The following ASPG variants were observed in gnomAD, a reference collection of about 807,000 sequenced individuals.
ASPG encodes 60 kDa lysophospholipase.
ASPG carries 53 observed loss-of-function variants against 63.2 expected under a neutral mutation model. That is an observed-to-expected ratio of 0.84 (90% CI 0.67 to 1.05). ASPG has a LOEUF of 1.05. Among genes scored for constraint, ASPG ranks in the 50% least tolerant of loss-of-function variants. ASPG has a pLI of 0.00. For missense variants in ASPG, 741 were observed against 794.4 expected, an observed-to-expected ratio of 0.93 and a Z score of 0.81; for synonymous variants, 370 against 355.0, an observed-to-expected ratio of 1.04 and a Z score of -0.48.
At chr14:104,089,544 C>T (rs771914338) in intron 1 of ASPG, among the ~76,000 whole-genome samples, 1 of 151,978 alleles carries the variant, frequency 6.6e-6, no homozygotes, top group Non-Finnish European at 1.5e-5. Flanking sequence ...ACTGATGCCA[C>T]TACATACCTG....
chr14:104,111,406 T>C, intron 13 of ASPG, 96 bp from the exon 14 acceptor site: 2 of 1,195,240 alleles, frequency 1.7e-6, no homozygotes, highest in Non-Finnish European at 2.4e-6. Flanking sequence ...GGGCTGGCTT[T>C]GTAAGAGCGT....
chr14:104,099,399 G>A (rs1403302503), intron 6 of ASPG, among the ~76,000 whole-genome samples: 2 of 152,130 alleles, frequency 1.3e-5, no homozygotes, highest in Non-Finnish European at 2.9e-5. Flanking sequence ...AGCCATCCTT[G>A]TGGGGCTGAC....
chr14:104,100,246 G>C (rs1264863599), intron 6 of ASPG, among the ~76,000 whole-genome samples: 1 of 152,200 alleles, frequency 6.6e-6, no homozygotes, highest in African/African-American at 2.4e-5. Flanking sequence ...GGTCTGGCAG[G>C]GCAGGGGCCT....
At chr14:104,097,475 G>C (rs1050017782) in intron 4 of ASPG, 79 bp from the exon 5 acceptor site, 1 of 1,407,602 alleles carries the variant, frequency 7.1e-7, no homozygotes, top group African/African-American at 1.4e-5. Context: ...GGGCCTGGGG[G>C]TTTACCTGGA....
At chr14:104,096,925 C>T (rs1014749585) in intron 4 of ASPG, among the ~76,000 whole-genome samples, 3 of 152,232 alleles carry the variant, frequency 2.0e-5, no homozygotes, top group African/African-American at 7.2e-5. Context: ...CCGCCACCTG[C>T]GCCCTCCTGG....
Position 104,085,738 on chromosome 14 carries a change from A to ACC in ASPG, c.-29_-28dup. 6.5e-7 allele frequency: 1 copy of ACC among 1,530,832 alleles called. No individual in the cohort carries two copies. The highest frequency in any genetic ancestry group is 8.7e-7 in the Non-Finnish European group (1 of 1,149,028). The allele number at this position is 1,530,832 out of a possible 1,614,324, so 94.8% of individuals were successfully genotyped here. On this transcript the variant is annotated 5_prime_UTR_variant, in exon 1 of 16. Transcript: ENST00000551177. ...CGCAGGCCCTGCGTCCCCGCTGCACACCCCCGTCCACTCCCGTGGTCCCCG... is the reference window on the plus strand; with the variant it reads ...CGCAGGCCCTGCGTCCCCGCTGCACACCCCCCCGTCCACTCCCGTGGTCCCCG...
At position 104,104,687 on chromosome 14, in the gene ASPG, A is replaced by G. The variant is rs758897293; in HGVS notation, c.1002A>G (p.Leu334=). The part of the protein sequence containing the change: ...DMTSEAALAK[L]SYVLGQPGLS... ...CATCGGAGGCCGCCCTGGCCAAGCT[A>G]TCGTATGTGCTGGGCCAGCCAGGGC... Residue 334 remains leucine, a synonymous_variant, in exon 9 of 16, where the codon CTA becomes CTG. Coordinates refer to ENST00000551177, the MANE Select transcript of ASPG (RefSeq NM_001080464.3). 4.3e-6 allele frequency: 7 copies of G among 1,610,854 alleles called. No homozygotes were observed. In the Middle Eastern group the frequency reaches 5.0e-4, roughly 114 times the overall value.
chr14:104,098,413 A>G (rs1395030967), intron 5 of ASPG, among the ~76,000 whole-genome samples: 1 of 152,138 alleles, frequency 6.6e-6, no homozygotes, highest in Admixed American at 6.5e-5. Context: ...CAGCTTGACT[A>G]GAGCCCCCAC....
At chr14:104,088,408 G>A (rs1282890584) in intron 1 of ASPG, among the ~76,000 whole-genome samples, 2 of 152,134 alleles carry the variant, frequency 1.3e-5, no homozygotes, top group East Asian at 1.9e-4. Context: ...GGGGCATAGC[G>A]AATCCAAACA....
rs1271448449 is a variant in ASPG, at chr14:104,113,637, C to G, written c.*1093C>G. 7 of 152,312 alleles carry G rather than the reference C, an allele frequency of 4.6e-5. No individual in the cohort carries two copies. The highest frequency in any genetic ancestry group is 4.6e-4 in the Admixed American group (7 of 15,292). 9.4% of individuals were successfully genotyped at this position (152,312 alleles called of 1,614,324 possible). A position where few individuals can be genotyped will look rare whatever the true frequency, so the allele number is the denominator to read the frequency against. ...TGTTTGGCTGGCCTCTGGACTGGAG[C>G]CCCAGGAGGGCAAAAGCATGACCCC... On this transcript the variant is annotated 3_prime_UTR_variant, in exon 16 of 16. Coordinates refer to ENST00000551177, the MANE Select transcript of ASPG (RefSeq NM_001080464.3).
chr14:104,112,361 G>T, intron 15 of ASPG, 163 bp from the exon 16 acceptor site: 1 of 661,558 alleles, frequency 1.5e-6, no homozygotes. Context: ...GTTCCCAGCT[G>T]ACACCCCCAT....
intron 3 of ASPG, 94 bp from the exon 4 acceptor site, chr14:104,095,437 C>A: frequency 1.3e-6 from 2 of 1,562,562 alleles, no homozygotes; most frequent in Non-Finnish European, 8.7e-7. Context: ...CCTGAGTCCT[C>A]CTCTCTGCAT....
intron 11 of ASPG, 23 bp from the exon 12 acceptor site, chr14:104,107,159 C>T (rs375396064): frequency 1.8e-5 from 27 of 1,535,318 alleles, no homozygotes; most frequent in African/African-American, 1.6e-4. Context: ...CCTCAGGGGT[C>T]GCATGTCCTT....
chr14:104,086,877 G>C (rs118062797), intron 1 of ASPG, among the ~76,000 whole-genome samples: 1 of 152,018 alleles, frequency 6.6e-6, no homozygotes, highest in Non-Finnish European at 1.5e-5. Context: ...GACCCTCTCC[G>C]GCTCTGCCAG....
In ASPG at chr14:104,112,603, G is replaced by T. The variant is rs1168515725; in HGVS notation, c.*59G>T. On this transcript the variant is annotated 3_prime_UTR_variant, in exon 16 of 16. Coordinates refer to ENST00000551177, the MANE Select transcript of ASPG (RefSeq NM_001080464.3). Reference sequence around the variant, plus strand: ...CTTCCTCCCATGACCTGCTGGAGGGGTCTCAGGCATGACCCCACTGCTGGG... The same window carrying T: ...CTTCCTCCCATGACCTGCTGGAGGGTTCTCAGGCATGACCCCACTGCTGGG... 1.3e-6 allele frequency: 2 copies of T among 1,593,536 alleles called. No individual in the cohort carries two copies. Among genetic ancestry groups the T allele is most frequent in the Admixed American group, 1.7e-5 (1 of 57,782 alleles).
intron 1 of ASPG, among the ~76,000 whole-genome samples, 167 bp downstream of exon 1, chr14:104,086,019 A>G (rs886873674): frequency 3.3e-5 from 5 of 152,096 alleles, no homozygotes; most frequent in African/African-American, 1.2e-4. Flanking sequence ...GTCCCCACGC[A>G]TGGAGCCCCG....
rs953807212 is a variant in ASPG, at chr14:104,106,828, G to A, written c.1203G>A (p.Val401=). The A allele has an allele frequency of 1.9e-6, 3 of 1,601,066 alleles. No homozygotes were observed. Among genetic ancestry groups the A allele is most frequent in the Non-Finnish European group, 2.6e-6 (3 of 1,175,506 alleles). ...CAGATGCCCTGCGGAATGCCCTGGT[G>A]CCCAGCCTGGCCTGTGCTGCTGCCC... The part of the protein sequence containing the change: ...QEADALRNAL[V]PSLACAAAHA... Residue 401 remains valine, a synonymous_variant, in exon 11 of 16, where the codon GTG becomes GTA. Coordinates refer to ENST00000551177, the MANE Select transcript of ASPG (RefSeq NM_001080464.3).
At chr14:104,106,291 G>C (rs2037124177) in intron 10 of ASPG, among the ~76,000 whole-genome samples, 1 of 152,234 alleles carries the variant, frequency 6.6e-6, no homozygotes, top group Non-Finnish European at 1.5e-5. Context: ...GGGTGTGGTG[G>C]CCCCTGTGGG....
At chr14:104,092,961 C>A (rs1387962845) in intron 2 of ASPG, 1 of 571,156 alleles carries the variant, frequency 1.8e-6, no homozygotes, top group African/African-American at 1.9e-5. Flanking sequence ...TCCCTCCCCA[C>A]CCTCCTCCCA....
Sources: gnomAD v4.1 joint callset for allele counts (sites outside exome capture counted in the v4.1 genomes callset) on GRCh38, gnomAD v4.1.1 for gene constraint, MANE v1.5 for transcripts, NCBI Gene and HGNC (gene_info 2026-07-23, HGNC 2026-07-21) for gene names.